Variants in JMJD1C observed in about 807,000 individuals in gnomAD.
The protein encoded by JMJD1C is jumonji domain containing 1C.
In JMJD1C, 31 loss-of-function variants were observed where a neutral mutation model predicts 245.3. That is an observed-to-expected ratio of 0.13 (90% CI 0.09 to 0.17). The LOEUF is 0.17. JMJD1C is among the 10% of genes least tolerant of loss of function. The probability of loss-of-function intolerance (pLI) is 1.00; values close to 1 mark genes in which losing one functional copy is unlikely to be tolerated. For missense variants in JMJD1C, 2,691 were observed against 3,000.2 expected, an observed-to-expected ratio of 0.90 and a Z score of 2.41; for synonymous variants, 1,057 against 1,017.4, an observed-to-expected ratio of 1.04 and a Z score of -0.74.
chr10:63,225,766 C>T (rs993949041), intron 3 of JMJD1C, among the ~76,000 whole-genome samples: 4 of 146,664 alleles, frequency 2.7e-5, no homozygotes, highest in Middle Eastern at 3.5e-3. Context: ...GCAGCAAGAG[C>T]GAGACTGCAT....
At chr10:63,501,112 C>T (rs962796405) in intron 1 of JMJD1C, among the ~76,000 whole-genome samples, 1 of 152,156 alleles carries the variant, frequency 6.6e-6, no homozygotes, top group Non-Finnish European at 1.5e-5. Context: ...ACAGCTTGAA[C>T]CCAGGCCTCT....
chr10:63,169,826 A>G (rs1010133068), intron 24 of JMJD1C, among the ~76,000 whole-genome samples: 3 of 152,172 alleles, frequency 2.0e-5, no homozygotes, highest in African/African-American at 7.2e-5. Context: ...CAGATGCTCT[A>G]TTTCACAGAG....
In JMJD1C at chr10:63,207,321, C is replaced by A. The variant is rs1461236186; in HGVS notation, c.4348G>T (p.Val1450Phe). ...AATGTAACTGGTGCTGTGGTGCTGA[C>A]CTTGCATTCTTGTTTTTGAGCCACT... Reference protein sequence around the residue: ...QPVAQKQECKVSTTAPVTLAS... With the variant: ...QPVAQKQECKFSTTAPVTLAS... Residue 1450 changes from valine to phenylalanine, a missense_variant, in exon 10 of 26, where the codon GTC becomes TTC. Val to Phe is a conservative substitution (Grantham distance 50). Transcript: ENST00000399262. The A allele has an allele frequency of 6.2e-7, 1 of 1,613,586 alleles. No homozygotes were observed. The highest frequency in any genetic ancestry group is 8.5e-7 in the Non-Finnish European group (1 of 1,180,002).
At chr10:63,171,523 G>A (rs2132749291) in intron 24 of JMJD1C, among the ~76,000 whole-genome samples, 1 of 152,296 alleles carries the variant, frequency 6.6e-6, no homozygotes, top group South Asian at 2.1e-4. Context: ...CCCTAGCACT[G>A]CTGGCCCTTG....
chr10:63,463,018 C>T (rs1209736142), intron 1 of JMJD1C, among the ~76,000 whole-genome samples: 4 of 151,982 alleles, frequency 2.6e-5, no homozygotes, highest in Non-Finnish European at 5.9e-5. Flanking sequence ...AATCATGTGC[C>T]ACAGGTTTGT....
intron 2 of JMJD1C, among the ~76,000 whole-genome samples, chr10:63,343,998 A>C (rs1330807479): frequency 6.6e-6 from 1 of 152,276 alleles, no homozygotes; most frequent in African/African-American, 2.4e-5. Context: ...AGACAGCAAC[A>C]CTACACTCCA....
chr10:63,377,592 G>A (rs772966486), intron 2 of JMJD1C, among the ~76,000 whole-genome samples: 4 of 151,992 alleles, frequency 2.6e-5, no homozygotes, highest in Non-Finnish European at 4.4e-5. Flanking sequence ...AAAATTAGCC[G>A]GGCATGATGG....
chr10:63,477,511 C>G (rs911151156), intron 1 of JMJD1C, among the ~76,000 whole-genome samples: 2 of 148,360 alleles, frequency 1.3e-5, no homozygotes, highest in Non-Finnish European at 3.0e-5. Context: ...AAAGGATGAT[C>G]TCTTCAACAA....
At chr10:63,204,856 A>C in intron 10 of JMJD1C, 2 of 985,180 alleles carry the variant, frequency 2.0e-6, no homozygotes, top group Non-Finnish European at 2.4e-6. Context: ...TCTGGTTTCC[A>C]CACAGGCATG....
intron 2 of JMJD1C, among the ~76,000 whole-genome samples, chr10:63,280,275 C>G (rs758962553): frequency 6.6e-6 from 1 of 152,082 alleles, no homozygotes; most frequent in Non-Finnish European, 1.5e-5. Context: ...GTAGGCCACA[C>G]GCGGTTGCTC....
chr10:63,291,523 G>A (rs1858715657), intron 2 of JMJD1C, among the ~76,000 whole-genome samples: 1 of 151,316 alleles, frequency 6.6e-6, no homozygotes, highest in Admixed American at 6.6e-5. Context: ...GCTGACGCAG[G>A]AGAATCGCTT....
chr10:63,186,459 G>A, intron 18 of JMJD1C, 76 bp from the exon 19 acceptor site: 2 of 1,244,776 alleles, frequency 1.6e-6, no homozygotes, highest in Non-Finnish European at 2.2e-6. Flanking sequence ...GTTTGTTTGA[G>A]ACAGAGTCTT....
At chr10:63,234,398 G>A (rs532463279) in intron 3 of JMJD1C, among the ~76,000 whole-genome samples, 96 of 149,044 alleles carry the variant, frequency 6.4e-4, no homozygotes, top group African/African-American at 1.5e-3. Flanking sequence ...AGAGGCTGAA[G>A]TGGGAGGATT....
chr10:63,386,534 A>C (rs1262662998), intron 1 of JMJD1C, among the ~76,000 whole-genome samples: 1 of 152,200 alleles, frequency 6.6e-6, no homozygotes, highest in African/African-American at 2.4e-5. Flanking sequence ...CACATTGCTC[A>C]GGGTCTGGAG....
intron 3 of JMJD1C, among the ~76,000 whole-genome samples, chr10:63,242,474 C>A (rs1229386555): frequency 6.6e-6 from 1 of 152,170 alleles, no homozygotes. Context: ...GTAATCCCAG[C>A]ACTTTGGGAG....
At chr10:63,411,896 C>A (rs1217142307) in intron 1 of JMJD1C, among the ~76,000 whole-genome samples, 1 of 150,410 alleles carries the variant, frequency 6.6e-6, no homozygotes, top group South Asian at 2.1e-4. Context: ...AGCCACAGCG[C>A]CTGGCCCAAT....
intron 3 of JMJD1C, among the ~76,000 whole-genome samples, chr10:63,251,016 T>G (rs2133624012): frequency 6.6e-6 from 1 of 152,282 alleles, no homozygotes; most frequent in East Asian, 1.9e-4. Context: ...GCACTAGGAT[T>G]ACAAGCATAA....
chr10:63,398,074 C>A (rs1398178254), intron 1 of JMJD1C, among the ~76,000 whole-genome samples: 2 of 152,142 alleles, frequency 1.3e-5, no homozygotes, highest in Non-Finnish European at 2.9e-5. Context: ...TCATGGCAAA[C>A]CTTGTGTTAA....
intron 16 of JMJD1C, among the ~76,000 whole-genome samples, chr10:63,192,607 T>C (rs2133001275): frequency 6.6e-6 from 1 of 152,286 alleles, no homozygotes; most frequent in South Asian, 2.1e-4. Context: ...TGGTGGTACA[T>C]GTCTGTAGTA....
Sources: gnomAD v4.1 joint callset for allele counts (sites outside exome capture counted in the v4.1 genomes callset) on GRCh38, gnomAD v4.1.1 for gene constraint, MANE v1.5 for transcripts, NCBI Gene and HGNC (gene_info 2026-07-23, HGNC 2026-07-21) for gene names.